Variants in MECOM observed in about 807,000 individuals in gnomAD.
MECOM encodes the protein MDS1 and EVI1 complex locus.
In MECOM, 13 loss-of-function variants were observed where a neutral mutation model predicts 116.3. The ratio of observed to expected loss-of-function variants is 0.11; its 90% CI spans 0.07 to 0.18. The LOEUF (loss-of-function observed/expected upper bound fraction) is 0.18, where lower values mean the gene tolerates loss of function less well. Ranked by LOEUF, MECOM falls within the 10% of genes least tolerant of loss-of-function variation. MECOM has a pLI of 1.00. For synonymous variants in MECOM, 528 were observed against 535.2 expected (o/e 0.99, Z 0.19); for missense variants, 1,299 against 1,509.0 (o/e 0.86, Z 2.31).
At chr3:169,487,818 T>A (rs369151002) in intron 1 of MECOM, among the ~76,000 whole-genome samples, 36 of 151,466 alleles carry the variant, frequency 2.4e-4, no homozygotes, top group African/African-American at 8.0e-4. Flanking sequence ...GGGGACTCAG[T>A]TTGGAAGTAA....
At position 169,297,631 on chromosome 3, in the gene MECOM, T is replaced by C. The variant is rs140566554; in HGVS notation, c.375+83556A>G. Among the ~76,000 whole-genome samples the C allele has an allele frequency of 1.6e-3, 247 of 151,520 alleles. 2 individuals carry two copies. The highest frequency in any genetic ancestry group is 5.6e-3 in the African/African-American group (230 of 40,838). On this transcript the variant is annotated intron_variant, in intron 2 of 16. Coordinates refer to ENST00000651503, the MANE Select transcript of MECOM (RefSeq NM_004991.4). Reference sequence around the variant, plus strand: ...CTGACTCAAATGCTGCTGGTAATTATTAAAAAAATATTATTTTAAAAAAAA... The same window carrying C: ...CTGACTCAAATGCTGCTGGTAATTACTAAAAAAATATTATTTTAAAAAAAA...
At chr3:169,144,943 T>A (rs16853245) in intron 2 of MECOM, 49,731 of 1,446,756 alleles carry the variant, frequency 0.034, 1,080 homozygotes, top group Middle Eastern at 0.082. Context: ...CCAAAAGCAA[T>A]TTTGCATAGA....
At chr3:169,631,176 A>G (rs1034518166) in intron 1 of MECOM, among the ~76,000 whole-genome samples, 1 of 152,248 alleles carries the variant, frequency 6.6e-6, no homozygotes. Flanking sequence ...ATGTATCTGC[A>G]GCTAGTGTTT....
chr3:169,275,013 A>G (rs538358648), intron 2 of MECOM, among the ~76,000 whole-genome samples: 1 of 152,324 alleles, frequency 6.6e-6, no homozygotes, highest in South Asian at 2.1e-4. Context: ...AGAAGGGAAA[A>G]AATCTCTTCC....
At chr3:169,565,262 A>T (rs1270388310) in intron 1 of MECOM, among the ~76,000 whole-genome samples, 2 of 152,212 alleles carry the variant, frequency 1.3e-5, no homozygotes, top group African/African-American at 4.8e-5. Context: ...GTTGAATTGA[A>T]TATGACTGTA....
intron 2 of MECOM, among the ~76,000 whole-genome samples, chr3:169,194,747 AG>A (rs1748190337): frequency 6.6e-6 from 1 of 152,102 alleles, no homozygotes; most frequent in Non-Finnish European, 1.5e-5. Flanking sequence ...TGCCACTCCA[AG>A]TTGCAGTCAG....
chr3:169,389,406 T>G (rs1733889469), intron 1 of MECOM, among the ~76,000 whole-genome samples: 1 of 152,238 alleles, frequency 6.6e-6, no homozygotes, highest in South Asian at 2.1e-4. Flanking sequence ...ATTCTGTTGT[T>G]AAGGAGCCAC....
chr3:169,646,476 ATAAAAAAT>A (rs1317255355), intron 1 of MECOM, among the ~76,000 whole-genome samples: 1 of 152,086 alleles, frequency 6.6e-6, no homozygotes, highest in Non-Finnish European at 1.5e-5. Flanking sequence ...TAAATAAATA[ATAAAAAAT>A]TAAAAAAGAA....
intron 1 of MECOM, among the ~76,000 whole-genome samples, chr3:169,583,036 T>C (rs1765307850): frequency 6.6e-6 from 1 of 152,058 alleles, no homozygotes; most frequent in Non-Finnish European, 1.5e-5. Context: ...ACAGAGGAAA[T>C]TGTACAAGAG....
chr3:169,653,982 G>C (rs1455871593), intron 1 of MECOM, among the ~76,000 whole-genome samples: 1 of 152,088 alleles, frequency 6.6e-6, no homozygotes, highest in African/African-American at 2.4e-5. Flanking sequence ...TCAGCATCAG[G>C]TATAAAGATT....
intron 2 of MECOM, among the ~76,000 whole-genome samples, chr3:169,263,076 GCT>G (rs1757748941): frequency 1.6e-4 from 5 of 31,726 alleles, no homozygotes; most frequent in African/African-American, 3.8e-4. Flanking sequence ...TTTTCAAGAT[GCT>G]ATATATATAT....
intron 2 of MECOM, among the ~76,000 whole-genome samples, chr3:169,339,753 AT>A (rs1238319420): frequency 1.3e-5 from 2 of 152,162 alleles, no homozygotes; most frequent in East Asian, 1.9e-4. Context: ...AAAAAATGAC[AT>A]TTAAAAAAAA....
At chr3:169,104,162 T>C (rs1005309982) in intron 10 of MECOM, among the ~76,000 whole-genome samples, 5 of 152,200 alleles carry the variant, frequency 3.3e-5, no homozygotes, top group Non-Finnish European at 7.4e-5. Context: ...CATTTGTCAC[T>C]ATGAAGGATT....
At chr3:169,385,846 A>G (rs1733231952) in intron 1 of MECOM, among the ~76,000 whole-genome samples, 2 of 152,200 alleles carry the variant, frequency 1.3e-5, no homozygotes, top group African/African-American at 4.8e-5. Context: ...GGGCACGTTT[A>G]CAATAGGTAA....
At chr3:169,648,962 T>C (rs764789897) in intron 1 of MECOM, among the ~76,000 whole-genome samples, 4 of 152,178 alleles carry the variant, frequency 2.6e-5, no homozygotes, top group Non-Finnish European at 4.4e-5. Flanking sequence ...GTTCTTGAAC[T>C]GTGATGGGAA....
At chr3:169,287,879 C>G (rs569282352) in intron 2 of MECOM, among the ~76,000 whole-genome samples, 2 of 152,060 alleles carry the variant, frequency 1.3e-5, no homozygotes, top group African/African-American at 4.8e-5. Flanking sequence ...GAATCCCATA[C>G]GACAATATGT....
At chr3:169,454,390 GAAA>G (rs35807490) in intron 1 of MECOM, among the ~76,000 whole-genome samples, 13 of 111,780 alleles carry the variant, frequency 1.2e-4, no homozygotes, top group Non-Finnish European at 1.7e-4. Context: ...TTTCTTTCAG[GAAA>G]AAAAAAAAAA....
At chr3:169,471,888 C>T (rs1238210223) in intron 1 of MECOM, among the ~76,000 whole-genome samples, 1 of 152,108 alleles carries the variant, frequency 6.6e-6, no homozygotes, top group Non-Finnish European at 1.5e-5. Flanking sequence ...TGATGATGTG[C>T]ATTTATTTAT....
At chr3:169,141,126 T>C (rs2149271117) in intron 3 of MECOM, among the ~76,000 whole-genome samples, 1 of 152,230 alleles carries the variant, frequency 6.6e-6, no homozygotes, top group East Asian at 1.9e-4. Flanking sequence ...TCTTGTTTTG[T>C]CCTGGGTAAT....
Sources: gnomAD v4.1 joint callset for allele counts (sites outside exome capture counted in the v4.1 genomes callset) on GRCh38, gnomAD v4.1.1 for gene constraint, MANE v1.5 for transcripts, NCBI Gene and HGNC (gene_info 2026-07-23, HGNC 2026-07-21) for gene names.